The following NCOR2 variants were observed in gnomAD, a reference collection of about 807,000 sequenced individuals.
The protein encoded by NCOR2 is CTG repeat protein 26.
Under a neutral mutation model 262.9 loss-of-function variants are expected in NCOR2, and 81 were observed. The ratio of observed to expected loss-of-function variants is 0.31; its 90% CI spans 0.26 to 0.37. The LOEUF is 0.37. Ranked by LOEUF, NCOR2 falls within the 10% of genes least tolerant of loss-of-function variation. The probability of loss-of-function intolerance (pLI) is 1.00; values close to 1 mark genes in which losing one functional copy is unlikely to be tolerated. For synonymous variants in NCOR2, 1,659 were observed against 1,559.3 expected, an observed-to-expected ratio of 1.06 and a Z score of -1.51; for missense variants, 3,385 against 3,621.4, an observed-to-expected ratio of 0.93 and a Z score of 1.68.
upstream of NCOR2, among the ~76,000 whole-genome samples, chr12:124,536,034 G>A (rs2051104749): frequency 6.6e-6 from 1 of 152,204 alleles, no homozygotes; most frequent in South Asian, 2.1e-4. Flanking sequence ...GGGGGTGGGG[G>A]TGTCTACTAT....
intron 1 of NCOR2, among the ~76,000 whole-genome samples, chr12:124,488,119 T>A (rs1303237270): frequency 6.6e-6 from 1 of 152,198 alleles, no homozygotes; most frequent in East Asian, 1.9e-4. Context: ...GTCACTCTTT[T>A]GTTGTCTGGC....
At chr12:124,555,465 G>A (rs1266295591) in intron 1 of NCOR2, among the ~76,000 whole-genome samples, 3 of 152,214 alleles carry the variant, frequency 2.0e-5, no homozygotes, top group African/African-American at 7.2e-5. Flanking sequence ...ACGTCCGCAG[G>A]ATGTATACAT....
chr12:124,486,315 C>T, intron 2 of NCOR2, 126 bp downstream of exon 4: 1 of 1,443,592 alleles, frequency 6.9e-7, no homozygotes, highest in Non-Finnish European at 9.2e-7. Context: ...CAAGGGTGAA[C>T]ACACGGCCCG....
Position 124,457,285 on chromosome 12 carries a change from C to A in NCOR2, c.706-123G>T. On this transcript the variant is annotated intron_variant, in intron 5 of 46. Transcript: ENST00000405201. The surrounding 1 kb of genome is among the most constrained non-coding windows in gnomAD (Gnocchi z 4.0). ...CAGTCCAGCATGCTGATCCTCAGCACGGGGGAGGGAGGCCCGGGGCCCCCT... is the reference window on the plus strand; with the variant it reads ...CAGTCCAGCATGCTGATCCTCAGCAAGGGGGAGGGAGGCCCGGGGCCCCCT... 9.0e-7 allele frequency: 1 copy of A among 1,105,474 alleles called. No individual in the cohort carries two copies. Among genetic ancestry groups the A allele is most frequent in the East Asian group, 3.2e-5 (1 of 31,400 alleles). The allele number at this position is 1,105,474 out of a possible 1,614,324, so 68.5% of individuals were successfully genotyped here. A position where few individuals can be genotyped will look rare whatever the true frequency, so the allele number is the denominator to read the frequency against.
At chr12:124,360,708 G>A (rs1388501627) in intron 22 of NCOR2, among the ~76,000 whole-genome samples, 6 of 114,958 alleles carry the variant, frequency 5.2e-5, no homozygotes, top group African/African-American at 1.7e-4. Context: ...CACACACCCC[G>A]AGCGTGTTTC....
At chr12:124,467,281 A>G (rs1324407662) in intron 4 of NCOR2, among the ~76,000 whole-genome samples, 3 of 8,954 alleles carry the variant, frequency 3.4e-4, no homozygotes, top group Non-Finnish European at 6.1e-4. Flanking sequence ...TCATCACCCC[A>G]TCACCCTCAT....
chr12:124,397,471 C>T (rs1366884628), intron 16 of NCOR2, among the ~76,000 whole-genome samples: 2 of 152,186 alleles, frequency 1.3e-5, no homozygotes, highest in Admixed American at 1.3e-4. Flanking sequence ...CGGTGCTGCA[C>T]ATCACAAGGC....
At chr12:124,552,322 A>G (rs2051738461) in intron 1 of NCOR2, among the ~76,000 whole-genome samples, 1 of 152,114 alleles carries the variant, frequency 6.6e-6, no homozygotes, top group Non-Finnish European at 1.5e-5. Context: ...CTGTCTCAAA[A>G]AAAAAAACCA....
chr12:124,494,459 G>A (rs2048269156), intron 1 of NCOR2, among the ~76,000 whole-genome samples: 1 of 152,230 alleles, frequency 6.6e-6, no homozygotes, highest in Non-Finnish European at 1.5e-5. Context: ...TGCAGTGAGA[G>A]AAGAGGCAGG....
intron 6 of NCOR2, among the ~76,000 whole-genome samples, chr12:124,455,036 G>C (rs2136538700): frequency 6.6e-6 from 1 of 152,306 alleles, no homozygotes; most frequent in African/African-American, 2.4e-5. Context: ...TGCTGAGTGA[G>C]AGAAACCAGA....
chr12:124,425,155 AC>A, intron 11 of NCOR2, among the ~76,000 whole-genome samples: 1 of 152,320 alleles, frequency 6.6e-6, no homozygotes, highest in Admixed American at 6.5e-5. Flanking sequence ...CGGGCGGATC[AC>A]GAGGTCAGGA....
intron 20 of NCOR2, among the ~76,000 whole-genome samples, chr12:124,367,218 G>T (rs1051743465): frequency 2.0e-5 from 3 of 152,168 alleles, no homozygotes; most frequent in Non-Finnish European, 4.4e-5. Context: ...AGATTGGCAG[G>T]GGGTGAGCGG....
intron 20 of NCOR2, 37 bp from the exon 23 acceptor site, chr12:124,363,836 A>C: frequency 7.6e-7 from 1 of 1,320,048 alleles, no homozygotes; most frequent in Non-Finnish European, 9.7e-7. Flanking sequence ...GGGGGCCCAC[A>C]GCCGGACTCT....
chr12:124,411,562 G>A (rs1335596567), intron 13 of NCOR2, among the ~76,000 whole-genome samples: 2 of 152,202 alleles, frequency 1.3e-5, no homozygotes, highest in South Asian at 2.1e-4. Context: ...ACCAGGGGCC[G>A]GGCCCTGCCA....
chr12:124,400,083 G>A (rs2041915478), intron 15 of NCOR2, among the ~76,000 whole-genome samples: 1 of 152,152 alleles, frequency 6.6e-6, no homozygotes, highest in African/African-American at 2.4e-5. Flanking sequence ...AGCGTGGCCA[G>A]ATCTTCTGTT....
chr12:124,376,909 A>G (rs1473629128), intron 18 of NCOR2, among the ~76,000 whole-genome samples: 1 of 152,162 alleles, frequency 6.6e-6, no homozygotes, highest in Non-Finnish European at 1.5e-5. Flanking sequence ...TCCTTCAGAG[A>G]GTCAGAAAGG....
chr12:124,500,587 G>A (rs2048646511), intron 1 of NCOR2, among the ~76,000 whole-genome samples: 1 of 152,198 alleles, frequency 6.6e-6, no homozygotes, highest in Non-Finnish European at 1.5e-5. Flanking sequence ...CTGCCCAGCG[G>A]AGGTGCATGC....
chr12:124,456,922 C>T (rs959577520), intron 6 of NCOR2, among the ~76,000 whole-genome samples, 184 bp downstream of exon 8: 4 of 151,152 alleles, frequency 2.6e-5, no homozygotes, highest in African/African-American at 7.3e-5. Flanking sequence ...CAGCCAGGCC[C>T]GCCCACCCGC....
intron 8 of NCOR2, 86 bp downstream of exon 10, chr12:124,437,844 C>G: frequency 7.7e-7 from 1 of 1,305,406 alleles, no homozygotes; most frequent in Non-Finnish European, 1.1e-6. Context: ...GCGGAACTGA[C>G]AGGGCCCCGG....
Sources: allele counts gnomAD v4.1 joint callset (sites outside exome capture counted in the v4.1 genomes callset), GRCh38; gene constraint gnomAD v4.1.1; non-coding constraint Gnocchi (gnomAD v3.1); transcripts MANE v1.5; gene names NCBI Gene and HGNC (gene_info 2026-07-23, HGNC 2026-07-21).